Variants in RANBP17 observed in about 807,000 individuals in gnomAD.
The protein encoded by RANBP17 is ran-binding protein 17.
A neutral mutation model predicts 141.2 loss-of-function variants in RANBP17; 158 were observed. The observed-to-expected ratio is 1.12, with a 90% confidence interval of 0.98 to 1.28. RANBP17 has a LOEUF of 1.28. RANBP17 is among the 50% of genes most tolerant of loss of function. The probability of loss-of-function intolerance (pLI) is 0.00; values close to 1 mark genes in which losing one functional copy is unlikely to be tolerated. For synonymous variants in RANBP17, 430 were observed against 450.0 expected, an observed-to-expected ratio of 0.96 and a Z score of 0.56; for missense variants, 1,438 against 1,290.7, an observed-to-expected ratio of 1.11 and a Z score of -1.75.
rs185251332 is a variant in RANBP17, at chr5:170,977,108, G to T, written c.1710+8731G>T. On this transcript the variant is annotated intron_variant, in intron 14 of 27. Transcript: ENST00000523189. ...ATATCATATATTTCATAAAGGTCTC[G>T]CATCTAGAATCTATAAAGAATTCTT... 4.0e-3 allele frequency among the ~76,000 whole-genome samples: 614 copies of T among 152,022 alleles called. 2 individuals are homozygous for T. The highest frequency in any genetic ancestry group is 6.7e-3 in the Non-Finnish European group (455 of 67,886).
intron 14 of RANBP17, among the ~76,000 whole-genome samples, chr5:171,042,378 G>A (rs911453257): frequency 6.6e-6 from 1 of 152,020 alleles, no homozygotes; most frequent in Non-Finnish European, 1.5e-5. Context: ...TCAACTCCAT[G>A]TAATCCTAAG....
chr5:170,982,314 A>G (rs916224128), intron 14 of RANBP17, among the ~76,000 whole-genome samples: 10 of 152,226 alleles, frequency 6.6e-5, no homozygotes, highest in Non-Finnish European at 2.9e-5. Flanking sequence ...TGTTGTGAAC[A>G]TAAAGCTCCT....
chr5:171,065,920 G>A (rs1454758433), intron 14 of RANBP17, among the ~76,000 whole-genome samples: 2 of 151,616 alleles, frequency 1.3e-5, no homozygotes, highest in East Asian at 1.9e-4. Context: ...AAGTGCAGTG[G>A]TATGGTCTCG....
chr5:171,213,530 C>T (rs947098033), intron 20 of RANBP17, 101 bp from the exon 21 acceptor site: 7 of 814,768 alleles, frequency 8.6e-6, no homozygotes, highest in Non-Finnish European at 1.5e-5. Flanking sequence ...AAATATAGAA[C>T]AAATGTGGAT....
At chr5:171,118,889 TC>T (rs1322638592) in intron 14 of RANBP17, among the ~76,000 whole-genome samples, 1 of 152,206 alleles carries the variant, frequency 6.6e-6, no homozygotes, top group Non-Finnish European at 1.5e-5. Flanking sequence ...TTTGGCTTTC[TC>T]CTTTCCAATT....
chr5:171,065,213 G>A (rs945910001), intron 14 of RANBP17, among the ~76,000 whole-genome samples: 1 of 151,788 alleles, frequency 6.6e-6, no homozygotes, highest in African/African-American at 2.4e-5. Context: ...TTTTCAAATG[G>A]CTATCCGGTA....
intron 12 of RANBP17, among the ~76,000 whole-genome samples, chr5:170,933,959 T>A (rs1773632730): frequency 6.6e-6 from 1 of 152,162 alleles, no homozygotes. Flanking sequence ...GTTCAATTCC[T>A]GGATATCCTT....
chr5:171,179,608 C>T (rs557835413), intron 16 of RANBP17, among the ~76,000 whole-genome samples: 2 of 152,138 alleles, frequency 1.3e-5, no homozygotes, highest in African/African-American at 4.8e-5. Context: ...TGATTACCCA[C>T]TCTCTTGTAC....
intron 16 of RANBP17, among the ~76,000 whole-genome samples, chr5:171,179,758 G>GT (rs962635305): frequency 2.0e-5 from 3 of 151,916 alleles, no homozygotes; most frequent in Non-Finnish European, 4.4e-5. Context: ...TATTATAGTG[G>GT]TTTTTTTGTT....
chr5:171,192,915 T>C (rs529401927), intron 18 of RANBP17, among the ~76,000 whole-genome samples: 2 of 152,286 alleles, frequency 1.3e-5, no homozygotes, highest in East Asian at 3.9e-4. Flanking sequence ...GAAACTGAAA[T>C]GAAAAACAAA....
At chr5:171,244,334 C>T (rs533274605) in intron 24 of RANBP17, among the ~76,000 whole-genome samples, 2 of 152,240 alleles carry the variant, frequency 1.3e-5, no homozygotes, top group South Asian at 4.1e-4. Context: ...GCCAAGATCG[C>T]ACCACTGCAC....
chr5:171,253,077 A>G, intron 24 of RANBP17: 1 of 780,700 alleles, frequency 1.3e-6, no homozygotes, highest in Non-Finnish European at 2.2e-6. Flanking sequence ...AAGAAAAGAG[A>G]AAATGCAGGA....
At chr5:170,922,325 G>T (rs1240866845) in intron 11 of RANBP17, among the ~76,000 whole-genome samples, 2 of 152,188 alleles carry the variant, frequency 1.3e-5, no homozygotes, top group Admixed American at 1.3e-4. Flanking sequence ...CGTTCTCGGA[G>T]TTTGAACGCT....
intron 14 of RANBP17, among the ~76,000 whole-genome samples, chr5:170,973,465 G>A (rs976263696): frequency 6.6e-6 from 1 of 152,066 alleles, no homozygotes; most frequent in African/African-American, 2.4e-5. Flanking sequence ...TATATTAAAA[G>A]TAAAAACTCC....
Position 170,968,872 on chromosome 5 carries a change from T to C in RANBP17, c.1710+495T>C, listed in dbSNP as rs930445589. The C allele has an allele frequency of 9.4e-6, 3 of 319,310 alleles. No individual in the cohort carries two copies. In the Middle Eastern group the frequency reaches 2.6e-3, roughly 272 times the overall value. The allele number at this position is 319,310 out of a possible 1,614,324, so 19.8% of individuals were successfully genotyped here. On this transcript the variant is annotated intron_variant, in intron 14 of 27. Coordinates refer to ENST00000523189, the MANE Select transcript of RANBP17 (RefSeq NM_022897.5). ...ACTCATAGTATGATAATTGAATGTT[T>C]AGCATCAGTAAGTTAAGATGACTTG...
intron 25 of RANBP17, among the ~76,000 whole-genome samples, chr5:171,267,282 A>G (rs569243366): frequency 5.3e-5 from 8 of 151,182 alleles, no homozygotes; most frequent in Admixed American, 6.6e-5. Flanking sequence ...GAGCACAAAC[A>G]GTCCTCCCAC....
At chr5:171,051,945 T>C (rs1465700673) in intron 14 of RANBP17, among the ~76,000 whole-genome samples, 1 of 152,148 alleles carries the variant, frequency 6.6e-6, no homozygotes, top group Non-Finnish European at 1.5e-5. Flanking sequence ...TGTAGCCATC[T>C]TGGTAGGTGT....
intron 18 of RANBP17, among the ~76,000 whole-genome samples, chr5:171,190,439 G>A (rs1457226863): frequency 6.6e-6 from 1 of 152,192 alleles, no homozygotes. Context: ...CATTAGAATA[G>A]TGGTGTTTCA....
Position 171,183,367 on chromosome 5 carries a change from A to C in RANBP17, c.1975A>C (p.Ser659Arg), listed in dbSNP as rs756368025. Residue 659 changes from serine (S) to arginine (R), a missense_variant, in exon 18 of 28, where the codon AGC becomes CGC. By Grantham distance (110) the Ser-to-Arg change is moderately radical (BLOSUM62 -1). Coordinates refer to ENST00000523189, the MANE Select transcript of RANBP17 (RefSeq NM_022897.5). ...FLGISDNHSL[S>R]DFRCRTTFYT... is the part of the protein sequence containing the mutation. ...TGGCATCAGTGACAATCATAGTCTC[A>C]GCGACTTCAGGTGTCGAACAACCTT... 1.9e-6 allele frequency: 3 copies of C among 1,613,928 alleles called. No homozygotes were observed. The highest frequency in any genetic ancestry group is 2.5e-6 in the Non-Finnish European group (3 of 1,179,924).
Sources: allele counts gnomAD v4.1 joint callset (sites outside exome capture counted in the v4.1 genomes callset), GRCh38; gene constraint gnomAD v4.1.1; transcripts MANE v1.5; gene names NCBI Gene and HGNC (gene_info 2026-07-23, HGNC 2026-07-21).